ZFHX3: variants seen among roughly 807,000 people sequenced by gnomAD.
The protein encoded by ZFHX3 is zinc finger homeobox protein 3.
Under a neutral mutation model 279.1 loss-of-function variants are expected in ZFHX3, and 42 were observed. The ratio of observed to expected loss-of-function variants is 0.15; its 90% CI spans 0.12 to 0.19. ZFHX3 has a LOEUF of 0.19. Ranked by LOEUF, ZFHX3 falls within the 10% of genes least tolerant of loss-of-function variation. The probability of loss-of-function intolerance (pLI) is 1.00; values close to 1 mark genes in which losing one functional copy is unlikely to be tolerated. For missense variants in ZFHX3, 4,981 were observed against 4,754.0 expected (o/e 1.05, Z -1.40); for synonymous variants, 2,293 against 1,957.8 (o/e 1.17, Z -4.52).
chr16:72,788,947 G>C (rs1033395699), intron 9 of ZFHX3, 99 bp from the exon 10 acceptor site: 4 of 1,470,846 alleles, frequency 2.7e-6, no homozygotes, highest in Non-Finnish European at 2.7e-6. Context: ...AGTTTGAGAT[G>C]TCAAGGCTTG....
chr16:73,741,187 C>G (rs1015252063), intron 1 of ZFHX3, among the ~76,000 whole-genome samples: 1 of 151,898 alleles, frequency 6.6e-6, no homozygotes, highest in Non-Finnish European at 1.5e-5. Context: ...CCTGCCACGA[C>G]GCCCAGCTAA....
chr16:73,799,806 C>A (rs1329049962), intron 1 of ZFHX3, among the ~76,000 whole-genome samples: 1 of 152,120 alleles, frequency 6.6e-6, no homozygotes, highest in East Asian at 1.9e-4. Context: ...GCATCTCACT[C>A]TCCCATTTAA....
intron 1 of ZFHX3, among the ~76,000 whole-genome samples, chr16:73,058,225 G>A (rs1965607449): frequency 6.9e-6 from 1 of 145,262 alleles, no homozygotes. Flanking sequence ...CGGGGAGGAG[G>A]GGGCGGCCCG....
chr16:73,350,012 AATAAAGAACTGGC>A (rs2016209118), intron 3 of ZFHX3, among the ~76,000 whole-genome samples: 1 of 150,230 alleles, frequency 6.7e-6, no homozygotes, highest in African/African-American at 2.5e-5. Context: ...TTTATTCTGG[AATAAAGAACTGGC>A]AAGGCAGAAG....
At chr16:72,818,443 A>G (rs147766594) in intron 5 of ZFHX3, among the ~76,000 whole-genome samples, 1 of 152,320 alleles carries the variant, frequency 6.6e-6, no homozygotes, top group African/African-American at 2.4e-5. Flanking sequence ...TAAGTGGCCA[A>G]AGATCTAGCT....
chr16:73,235,193 C>T (rs1326820953), intron 5 of ZFHX3, among the ~76,000 whole-genome samples: 1 of 152,148 alleles, frequency 6.6e-6, no homozygotes, highest in Non-Finnish European at 1.5e-5. Flanking sequence ...CCTCAGCCTC[C>T]TGAGTAGCTG....
At chr16:72,879,148 T>C (rs2038395493) in intron 4 of ZFHX3, among the ~76,000 whole-genome samples, 1 of 152,160 alleles carries the variant, frequency 6.6e-6, no homozygotes, top group Non-Finnish European at 1.5e-5. Context: ...ATATACACAC[T>C]GGGATCTTTA....
intron 3 of ZFHX3, among the ~76,000 whole-genome samples, chr16:73,399,537 C>T (rs2017203911): frequency 6.6e-6 from 1 of 152,144 alleles, no homozygotes; most frequent in Non-Finnish European, 1.5e-5. Context: ...TTCATTGACT[C>T]TAAGATGCGT....
intron 3 of ZFHX3, among the ~76,000 whole-genome samples, chr16:73,442,551 G>A (rs2018113178): frequency 6.6e-6 from 1 of 152,086 alleles, no homozygotes; most frequent in Admixed American, 6.6e-5. Context: ...AACCCCATGA[G>A]ATGACATAGG....
intron 5 of ZFHX3, among the ~76,000 whole-genome samples, chr16:73,169,076 T>C (rs965895292): frequency 6.6e-5 from 10 of 152,328 alleles, no homozygotes; most frequent in Admixed American, 1.3e-4. Context: ...GGTGTTGAAA[T>C]TGGAGGATAT....
intron 4 of ZFHX3, among the ~76,000 whole-genome samples, chr16:73,269,112 C>T (rs1232805258): frequency 6.6e-6 from 1 of 152,168 alleles, no homozygotes; most frequent in Non-Finnish European, 1.5e-5. Context: ...ACCTTCTGTC[C>T]TAATTTGGTA....
chr16:73,728,269 G>A (rs2053539003), intron 1 of ZFHX3, among the ~76,000 whole-genome samples: 1 of 152,188 alleles, frequency 6.6e-6, no homozygotes, highest in Admixed American at 6.5e-5. Context: ...AGGTGCCTGT[G>A]TGCAAGCCAA....
At chr16:73,076,905 A>T (rs948510372) in intron 8 of ZFHX3, among the ~76,000 whole-genome samples, 2 of 152,122 alleles carry the variant, frequency 1.3e-5, no homozygotes, top group African/African-American at 2.4e-5. Context: ...ACACACACAC[A>T]CACACGACTG....
At chr16:72,898,705 T>C (rs1157425936) in intron 3 of ZFHX3, among the ~76,000 whole-genome samples, 2 of 147,828 alleles carry the variant, frequency 1.4e-5, no homozygotes, top group Admixed American at 6.8e-5. Flanking sequence ...TTATCAGGCA[T>C]GCATTTTTAC....
At chr16:73,882,748 C>CT (rs921123245) in intron 1 of ZFHX3, among the ~76,000 whole-genome samples, 4 of 151,814 alleles carry the variant, frequency 2.6e-5, no homozygotes, top group Admixed American at 1.3e-4. Context: ...ATGGACAGAC[C>CT]TTTTTTTTAA....
intron 1 of ZFHX3, among the ~76,000 whole-genome samples, chr16:73,033,154 G>A (rs1196506100): frequency 6.6e-6 from 1 of 152,128 alleles, no homozygotes; most frequent in Non-Finnish European, 1.5e-5. Flanking sequence ...GGTGACCTCA[G>A]CTGCCAGACA....
intron 1 of ZFHX3, among the ~76,000 whole-genome samples, chr16:73,689,743 C>T (rs2053127628): frequency 1.3e-5 from 2 of 152,054 alleles, no homozygotes; most frequent in Non-Finnish European, 2.9e-5. Flanking sequence ...CTTAAGAAAC[C>T]ATGGAAAACA....
intron 5 of ZFHX3, among the ~76,000 whole-genome samples, chr16:73,229,840 T>C (rs1037214273): frequency 6.6e-6 from 1 of 152,212 alleles, no homozygotes; most frequent in Non-Finnish European, 1.5e-5. Flanking sequence ...AAATTAGGTA[T>C]TATTTACCTT....
At chr16:72,883,470 T>C (rs893317373) in intron 4 of ZFHX3, among the ~76,000 whole-genome samples, 3 of 152,154 alleles carry the variant, frequency 2.0e-5, no homozygotes, top group African/African-American at 7.2e-5. Flanking sequence ...TCCATATAAA[T>C]ACATCCCACC....
Sources: gnomAD v4.1 joint callset for allele counts (sites outside exome capture counted in the v4.1 genomes callset) on GRCh38, gnomAD v4.1.1 for gene constraint, MANE v1.5 for transcripts, NCBI Gene and HGNC (gene_info 2026-07-23, HGNC 2026-07-21) for gene names.